The following CUBN variants were observed in gnomAD, a reference collection of about 807,000 sequenced individuals.
The protein encoded by CUBN is 460 kDa receptor.
In CUBN, 282 loss-of-function variants were observed where a neutral mutation model predicts 405.3. That is an observed-to-expected ratio of 0.70 (90% CI 0.63 to 0.77). The LOEUF (loss-of-function observed/expected upper bound fraction) is 0.77. Ranked by LOEUF, CUBN falls within the 30% of genes least tolerant of loss-of-function variation. CUBN has a pLI of 0.00. For missense variants in CUBN, 4,514 were observed against 4,475.2 expected (o/e 1.01, Z -0.25); for synonymous variants, 1,684 against 1,617.0 (o/e 1.04, Z -0.99).
intron 22 of CUBN, among the ~76,000 whole-genome samples, chr10:17,065,306 A>G (rs1835590863): frequency 6.6e-6 from 1 of 152,200 alleles, no homozygotes. Flanking sequence ...TACCAACATT[A>G]GAAGATTTAA....
At chr10:17,112,305 G>A (rs749264055) in intron 8 of CUBN, among the ~76,000 whole-genome samples, 4 of 151,918 alleles carry the variant, frequency 2.6e-5, no homozygotes, top group Non-Finnish European at 5.9e-5. Flanking sequence ...ACGCCCAAAT[G>A]TTCATCATGG....
chr10:16,832,195 G>C (rs1282853662), intron 64 of CUBN, among the ~76,000 whole-genome samples: 1 of 152,116 alleles, frequency 6.6e-6, no homozygotes, highest in Non-Finnish European at 1.5e-5. Flanking sequence ...TTCCAGGAGG[G>C]CTCTCGACGC....
chr10:17,067,183 T>C (rs946950561), intron 21 of CUBN, among the ~76,000 whole-genome samples: 1 of 151,970 alleles, frequency 6.6e-6, no homozygotes, highest in Non-Finnish European at 1.5e-5. Context: ...AATCAATCTA[T>C]AAAACCATAG....
At chr10:16,959,614 G>A (rs1249290147) in intron 31 of CUBN, among the ~76,000 whole-genome samples, 1 of 148,824 alleles carries the variant, frequency 6.7e-6, no homozygotes, top group African/African-American at 2.5e-5. Flanking sequence ...GGCAACAAGA[G>A]CAAAACTCCG....
chr10:16,871,318 G>A (rs1840346606), intron 58 of CUBN, among the ~76,000 whole-genome samples: 1 of 151,542 alleles, frequency 6.6e-6, no homozygotes, highest in African/African-American at 2.4e-5. Flanking sequence ...GGGATTACAG[G>A]CATGGGACAC....
chr10:17,023,041 G>A (rs900609441), intron 27 of CUBN, among the ~76,000 whole-genome samples: 2 of 152,158 alleles, frequency 1.3e-5, no homozygotes, highest in African/African-American at 4.8e-5. Context: ...TAGCATTTTT[G>A]CCTGTCAGCT....
chr10:16,922,918 T>C (rs1172111169), intron 43 of CUBN, among the ~76,000 whole-genome samples: 3 of 151,624 alleles, frequency 2.0e-5, no homozygotes, highest in African/African-American at 7.3e-5. Flanking sequence ...GGTATGATCG[T>C]GGCTCACTGC....
intron 19 of CUBN, 73 bp from the exon 20 acceptor site, chr10:17,068,843 T>C (rs1835673168): frequency 1.6e-6 from 2 of 1,216,948 alleles, no homozygotes; most frequent in African/African-American, 3.0e-5. Context: ...TAATTATTTC[T>C]GAAATGTTTT....
At chr10:17,116,845 C>T (rs1836913212) in intron 6 of CUBN, among the ~76,000 whole-genome samples, 1 of 152,066 alleles carries the variant, frequency 6.6e-6, no homozygotes, top group African/African-American at 2.4e-5. Flanking sequence ...AATAAGAATG[C>T]AGGGAGCACC....
At chr10:16,916,484 C>T (rs1328368304) in intron 45 of CUBN, among the ~76,000 whole-genome samples, 1 of 152,208 alleles carries the variant, frequency 6.6e-6, no homozygotes, top group Admixed American at 6.5e-5. Context: ...TTACTCTCAA[C>T]TAAACAGTTC....
chr10:17,008,137 T>C (rs1834075470), intron 28 of CUBN, among the ~76,000 whole-genome samples: 1 of 151,944 alleles, frequency 6.6e-6, no homozygotes, highest in South Asian at 2.1e-4. Flanking sequence ...GGAAATAGAA[T>C]GACACCTCGT....
chr10:16,898,321 T>C (rs1051398337), intron 54 of CUBN, among the ~76,000 whole-genome samples: 1 of 152,140 alleles, frequency 6.6e-6, no homozygotes, highest in African/African-American at 2.4e-5. Context: ...TACAGTTGAA[T>C]AACTTAAAGG....
chr10:16,889,942 A>AAAAAAAAAAAACAAAACAAAACAAAAC (rs1554788550), intron 55 of CUBN, among the ~76,000 whole-genome samples: 4 of 136,222 alleles, frequency 2.9e-5, no homozygotes, highest in African/African-American at 1.2e-4. Flanking sequence ...TGTCAAAAAA[A>AAAAAAAAAAAACAAAACAAAACAAAAC]AAAAAAAAAA....
chr10:17,022,351 G>A (rs1588589627), intron 27 of CUBN, among the ~76,000 whole-genome samples: 1 of 152,148 alleles, frequency 6.6e-6, no homozygotes, highest in Admixed American at 6.5e-5. Context: ...AGCATTTTAA[G>A]CAAATGAATA....
chr10:17,048,806 T>C (rs1242919754), intron 22 of CUBN, among the ~76,000 whole-genome samples: 1 of 152,220 alleles, frequency 6.6e-6, no homozygotes, highest in Non-Finnish European at 1.5e-5. Context: ...TGTTTAGTTA[T>C]GCTGTTTCCC....
intron 31 of CUBN, among the ~76,000 whole-genome samples, chr10:16,967,611 C>T (rs1458764665): frequency 6.6e-6 from 1 of 151,880 alleles, no homozygotes; most frequent in Non-Finnish European, 1.5e-5. Context: ...AAAGATCATC[C>T]TCAAGTATCA....
intron 35 of CUBN, among the ~76,000 whole-genome samples, chr10:16,948,110 G>A (rs1339086896): frequency 6.6e-6 from 1 of 152,250 alleles, no homozygotes; most frequent in Non-Finnish European, 1.5e-5. Flanking sequence ...TCAGGAGGCT[G>A]AGGCAGGAGA....
intron 62 of CUBN, among the ~76,000 whole-genome samples, chr10:16,839,779 C>A (rs531741111): frequency 5.9e-5 from 9 of 151,574 alleles, no homozygotes; most frequent in Non-Finnish European, 7.4e-5. Flanking sequence ...ATGTTTATTG[C>A]GGCACTATTC....
intron 6 of CUBN, among the ~76,000 whole-genome samples, chr10:17,118,142 TA>T (rs1188082419): frequency 6.6e-6 from 1 of 152,204 alleles, no homozygotes; most frequent in Admixed American, 6.5e-5. Context: ...TACTGTTCTC[TA>T]AATAGCTACA....
Sources: allele counts gnomAD v4.1 joint callset (sites outside exome capture counted in the v4.1 genomes callset), GRCh38; gene constraint gnomAD v4.1.1; transcripts MANE v1.5; gene names NCBI Gene and HGNC (gene_info 2026-07-23, HGNC 2026-07-21).